Variants in PDE4D observed in about 807,000 individuals in gnomAD.
PDE4D encodes the protein 3',5'-cyclic-AMP phosphodiesterase 4D.
A neutral mutation model predicts 87.4 loss-of-function variants in PDE4D; 24 were observed. The ratio of observed to expected loss-of-function variants is 0.27; its 90% CI spans 0.20 to 0.39. PDE4D has a LOEUF of 0.39. Among genes scored for constraint, PDE4D ranks in the 10% least tolerant of loss-of-function variants. The pLI, the probability that PDE4D is intolerant of heterozygous loss-of-function variation, is 1.00. For synonymous variants in PDE4D, 384 were observed against 383.2 expected, an observed-to-expected ratio of 1.00 and a Z score of -0.02; for missense variants, 714 against 1,041.0, an observed-to-expected ratio of 0.69 and a Z score of 4.32.
chr5:59,268,731 C>A (rs984962125), intron 1 of PDE4D, among the ~76,000 whole-genome samples: 1 of 152,016 alleles, frequency 6.6e-6, no homozygotes, highest in African/African-American at 2.4e-5. Context: ...TTCTCTATAC[C>A]TTTATCTAAA....
At chr5:59,248,525 A>T (rs1759320130) in intron 1 of PDE4D, among the ~76,000 whole-genome samples, 1 of 152,100 alleles carries the variant, frequency 6.6e-6, no homozygotes, top group South Asian at 2.1e-4. Flanking sequence ...ACTCCCTGGG[A>T]CAAGAAAAGG....
chr5:59,959,790 G>T (rs1345239849), intron 3 of PDE4D, among the ~76,000 whole-genome samples: 1 of 152,062 alleles, frequency 6.6e-6, no homozygotes, highest in Non-Finnish European at 1.5e-5. Flanking sequence ...CCTAGGCAAA[G>T]ATTTTATGAC....
chr5:59,019,216 A>T (rs1233077254), intron 6 of PDE4D, among the ~76,000 whole-genome samples: 1 of 151,006 alleles, frequency 6.6e-6, no homozygotes, highest in Non-Finnish European at 1.5e-5. Context: ...TCTTTCTCCT[A>T]CTCATTCCTC....
At chr5:59,082,994 C>T (rs914567595) in intron 5 of PDE4D, among the ~76,000 whole-genome samples, 6 of 152,016 alleles carry the variant, frequency 3.9e-5, no homozygotes, top group African/African-American at 2.4e-5. Flanking sequence ...ATAGGATTCC[C>T]GTTGCTTTGT....
chr5:60,474,137 T>C (rs1043448064), intron 1 of PDE4D, among the ~76,000 whole-genome samples: 2 of 98,520 alleles, frequency 2.0e-5, no homozygotes, highest in Non-Finnish European at 3.7e-5. Flanking sequence ...TATATATATA[T>C]ATATATATAT....
rs567770301 is a variant in PDE4D at position 60,049,858 on chromosome 5, G to A, written c.43-61141C>T. ...TGCCCCCAGAGGTGGAGCCTACAGA[G>A]GCAGGCAGGCCTCCTTGAGCTGTGG... On this transcript the variant is annotated intron_variant, in intron 2 of 16. Transcript: ENST00000502484. Among the ~76,000 whole-genome samples the A allele has an allele frequency of 3.8e-3, 585 of 152,324 alleles. 11 individuals carry two copies. Among genetic ancestry groups the A allele is most frequent in the Non-Finnish European group, 9.7e-4 (66 of 68,022 alleles).
intron 2 of PDE4D, among the ~76,000 whole-genome samples, chr5:60,167,266 CTTTTTTTTTT>C (rs142613050): frequency 6.1e-4 from 53 of 86,500 alleles, no homozygotes; most frequent in African/African-American, 2.5e-3. Context: ...TGTGTATTTT[CTTTTTTTTTT>C]TTTTTTTTTT....
At chr5:59,871,009 T>C (rs1747746211) in intron 1 of PDE4D, among the ~76,000 whole-genome samples, 1 of 152,046 alleles carries the variant, frequency 6.6e-6, no homozygotes, top group African/African-American at 2.4e-5. Flanking sequence ...TAGAACACGA[T>C]TGTGGTGGGC....
intron 1 of PDE4D, among the ~76,000 whole-genome samples, chr5:60,495,127 G>A (rs761594753): frequency 6.6e-6 from 1 of 152,150 alleles, no homozygotes; most frequent in African/African-American, 2.4e-5. Flanking sequence ...ATCACATATA[G>A]TGCCTCAAAA....
intron 1 of PDE4D, among the ~76,000 whole-genome samples, chr5:59,774,775 C>T (rs1054666764): frequency 2.6e-5 from 4 of 151,418 alleles, no homozygotes; most frequent in African/African-American, 9.7e-5. Context: ...GCAACCTCCA[C>T]CTTCTGGGTT....
chr5:59,825,082 G>T (rs1214008100), intron 1 of PDE4D, among the ~76,000 whole-genome samples: 2 of 152,102 alleles, frequency 1.3e-5, no homozygotes, highest in East Asian at 3.9e-4. Flanking sequence ...GATGTCTACT[G>T]GTCTCTGCGT....
chr5:59,304,944 T>C (rs1561920122), intron 1 of PDE4D, among the ~76,000 whole-genome samples: 1 of 152,168 alleles, frequency 6.6e-6, no homozygotes, highest in African/African-American at 2.4e-5. Flanking sequence ...TCTTTCTCTA[T>C]CTTGTGGAAT....
intron 1 of PDE4D, among the ~76,000 whole-genome samples, chr5:59,630,039 A>G (rs1451377613): frequency 6.6e-6 from 1 of 152,226 alleles, no homozygotes; most frequent in Non-Finnish European, 1.5e-5. Context: ...GTTTCAGTTA[A>G]AATAAAATTT....
intron 1 of PDE4D, among the ~76,000 whole-genome samples, chr5:59,694,063 A>G (rs1191920845): frequency 2.0e-5 from 3 of 152,224 alleles, no homozygotes; most frequent in Non-Finnish European, 4.4e-5. Context: ...TCACTAGATT[A>G]AGGCAGACAT....
chr5:60,088,795 GC>G (rs1381916453), intron 2 of PDE4D, among the ~76,000 whole-genome samples: 4 of 151,878 alleles, frequency 2.6e-5, no homozygotes, highest in African/African-American at 4.8e-5. Flanking sequence ...TAACAAGATA[GC>G]AATACTAAAT....
intron 1 of PDE4D, among the ~76,000 whole-genome samples, chr5:59,712,679 T>TA (rs1754389149): frequency 6.6e-6 from 1 of 151,334 alleles, no homozygotes; most frequent in Non-Finnish European, 1.5e-5. Context: ...ATATACGCTA[T>TA]AGGGTTAATA....
intron 1 of PDE4D, among the ~76,000 whole-genome samples, chr5:60,292,682 A>C (rs111522702): frequency 6.6e-6 from 1 of 152,224 alleles, no homozygotes; most frequent in African/African-American, 2.4e-5. Flanking sequence ...GTATATGTAA[A>C]ATATTTTATT....
intron 1 of PDE4D, among the ~76,000 whole-genome samples, chr5:59,835,312 T>C (rs896319955): frequency 6.6e-6 from 1 of 152,040 alleles, no homozygotes; most frequent in Non-Finnish European, 1.5e-5. Context: ...CTTGGGTTCA[T>C]AGATCATCAA....
chr5:60,150,061 G>GTCATATATACTA (rs1392298814), intron 2 of PDE4D, among the ~76,000 whole-genome samples: 3 of 145,738 alleles, frequency 2.1e-5, no homozygotes, highest in African/African-American at 7.5e-5. Flanking sequence ...CTATATACTA[G>GTCATATATACTA]TATATATGAC....
Sources: allele counts gnomAD v4.1 joint callset (sites outside exome capture counted in the v4.1 genomes callset), GRCh38; gene constraint gnomAD v4.1.1; transcripts MANE v1.5; gene names NCBI Gene and HGNC (gene_info 2026-07-23, HGNC 2026-07-21).